The following PRR5L variants were observed in gnomAD, a reference collection of about 807,000 sequenced individuals.
The protein encoded by PRR5L is proline rich 5 like.
Under a neutral mutation model 36.4 loss-of-function variants are expected in PRR5L, and 21 were observed. The ratio of observed to expected loss-of-function variants is 0.58; its 90% CI spans 0.41 to 0.83. PRR5L has a LOEUF of 0.83. Ranked by LOEUF, PRR5L falls within the 40% of genes least tolerant of loss-of-function variation. PRR5L has a pLI of 0.00. For missense variants in PRR5L, 381 were observed against 473.3 expected (o/e 0.80, Z 1.81); for synonymous variants, 188 against 197.0 (o/e 0.95, Z 0.38).
intron 3 of PRR5L, among the ~76,000 whole-genome samples, chr11:36,408,888 G>GGT (rs1212829800): frequency 3.9e-5 from 6 of 152,108 alleles, no homozygotes; most frequent in Admixed American, 6.5e-5. Context: ...TGAGTGTTGG[G>GGT]GTGTGTGTGT....
chr11:36,380,802 T>TC (rs1225673477), intron 1 of PRR5L, among the ~76,000 whole-genome samples: 5 of 152,010 alleles, frequency 3.3e-5, no homozygotes, highest in Admixed American at 6.6e-5. Context: ...TTCTCTGCTT[T>TC]CCCCCCCTTT....
At chr11:36,304,507 C>T (rs1296612910) in intron 1 of PRR5L, among the ~76,000 whole-genome samples, 3 of 152,192 alleles carry the variant, frequency 2.0e-5, no homozygotes, top group African/African-American at 7.2e-5. Context: ...TGGCTTTTTT[C>T]ACTAACAACA....
At chr11:36,416,712 ACT>A (rs1284681443) in intron 3 of PRR5L, among the ~76,000 whole-genome samples, 5 of 152,098 alleles carry the variant, frequency 3.3e-5, no homozygotes, top group South Asian at 2.1e-4. Context: ...TTCCTGGGAC[ACT>A]CTGCAGAATT....
At chr11:36,424,818 A>G (rs331445) in intron 4 of PRR5L, among the ~76,000 whole-genome samples, 2,308 of 151,874 alleles carry the variant, frequency 0.015, 41 homozygotes, top group East Asian at 0.037. Flanking sequence ...TTAGGGCCCA[A>G]GTGATCTGTT....
intron 1 of PRR5L, among the ~76,000 whole-genome samples, chr11:36,336,092 G>A (rs1856765986): frequency 6.6e-6 from 1 of 152,178 alleles, no homozygotes; most frequent in Non-Finnish European, 1.5e-5. Context: ...TTAGTGAGCT[G>A]CCTCAGACCC....
At chr11:36,395,177 A>AG (rs990175494) in intron 1 of PRR5L, among the ~76,000 whole-genome samples, 7 of 152,228 alleles carry the variant, frequency 4.6e-5, no homozygotes, top group African/African-American at 7.2e-5. Context: ...TAACCACAAA[A>AG]GGGGAAACTC....
intron 8 of PRR5L, 147 bp downstream of exon 8, chr11:36,451,482 C>T (rs548772965): frequency 2.3e-5 from 22 of 962,988 alleles, no homozygotes; most frequent in Admixed American, 1.4e-4. Flanking sequence ...AGTGCAAATC[C>T]GTGCATCTTA....
intron 1 of PRR5L, among the ~76,000 whole-genome samples, chr11:36,301,867 G>A (rs952012910): frequency 6.6e-5 from 10 of 152,314 alleles, no homozygotes; most frequent in Admixed American, 4.6e-4. Context: ...TTGTGTTTTA[G>A]GTGGGAGAAT....
intron 1 of PRR5L, among the ~76,000 whole-genome samples, chr11:36,320,723 A>G (rs879720295): frequency 1.3e-5 from 2 of 152,244 alleles, no homozygotes; most frequent in Admixed American, 6.5e-5. Context: ...TTAGATGATC[A>G]GGACTCAATC....
intron 1 of PRR5L, among the ~76,000 whole-genome samples, chr11:36,321,771 T>C (rs933372106): frequency 1.3e-5 from 2 of 152,148 alleles, no homozygotes; most frequent in African/African-American, 4.8e-5. Flanking sequence ...TCTCACACTG[T>C]GGAGTCTAGA....
intron 6 of PRR5L, among the ~76,000 whole-genome samples, chr11:36,438,799 G>C (rs912668284): frequency 4.6e-5 from 7 of 152,000 alleles, no homozygotes; most frequent in Non-Finnish European, 1.0e-4. Context: ...GCCAGGCATG[G>C]TGGCTTGTGT....
chr11:36,427,346 G>A (rs1858403710), intron 4 of PRR5L, among the ~76,000 whole-genome samples: 2 of 152,042 alleles, frequency 1.3e-5, no homozygotes, highest in Admixed American at 1.3e-4. Flanking sequence ...TTGCTTCCTG[G>A]GTGGTTACTA....
chr11:36,300,232 C>A (rs1856360493), intron 1 of PRR5L, among the ~76,000 whole-genome samples: 1 of 152,058 alleles, frequency 6.6e-6, no homozygotes, highest in African/African-American at 2.4e-5. Flanking sequence ...ACAAGCATGG[C>A]ACTTGCATCT....
chr11:36,383,701 T>C (rs867466608), intron 1 of PRR5L, among the ~76,000 whole-genome samples: 5,292 of 148,166 alleles, frequency 0.036, 337 homozygotes, highest in African/African-American at 0.12. Context: ...TTTCCTTTTT[T>C]TTTTTTTTTT....
intron 1 of PRR5L, among the ~76,000 whole-genome samples, chr11:36,329,989 G>T (rs570000664): frequency 1.3e-5 from 2 of 152,162 alleles, no homozygotes; most frequent in Non-Finnish European, 1.5e-5. Flanking sequence ...CTGATTCAAG[G>T]CACATCAGTC....
intron 4 of PRR5L, among the ~76,000 whole-genome samples, chr11:36,421,159 TG>T (rs1858257122): frequency 1.3e-5 from 2 of 152,220 alleles, no homozygotes; most frequent in Non-Finnish European, 2.9e-5. Flanking sequence ...AGAAACCTGC[TG>T]GGTTGAATTG....
At chr11:36,316,907 T>C (rs1334017188) in intron 1 of PRR5L, among the ~76,000 whole-genome samples, 1 of 152,244 alleles carries the variant, frequency 6.6e-6, no homozygotes, top group Non-Finnish European at 1.5e-5. Context: ...TTCCTAAGGT[T>C]AGCTCAGCTT....
chr11:36,317,137 T>C (rs913756433), intron 1 of PRR5L, among the ~76,000 whole-genome samples: 1 of 152,202 alleles, frequency 6.6e-6, no homozygotes, highest in Non-Finnish European at 1.5e-5. Context: ...AATAAGGCCA[T>C]GGGAAGTCGG....
intron 1 of PRR5L, among the ~76,000 whole-genome samples, chr11:36,346,912 TG>T (rs1008568718): frequency 1.3e-5 from 2 of 152,192 alleles, no homozygotes; most frequent in African/African-American, 4.8e-5. Flanking sequence ...GCTTGGCAAT[TG>T]TAGTGCAAAA....
Sources: gnomAD v4.1 joint callset for allele counts (sites outside exome capture counted in the v4.1 genomes callset) on GRCh38, gnomAD v4.1.1 for gene constraint, MANE v1.5 for transcripts, NCBI Gene and HGNC (gene_info 2026-07-23, HGNC 2026-07-21) for gene names.